IL15: variants seen among roughly 807,000 people sequenced by gnomAD.
The protein encoded by IL15 is interleukin 15.
IL15 carries 11 observed loss-of-function variants against 19.6 expected under a neutral mutation model. The observed-to-expected ratio is 0.56, with a 90% CI of 0.35 to 0.93. The LOEUF (loss-of-function observed/expected upper bound fraction) is 0.93, where lower values mean the gene tolerates loss of function less well. Among genes scored for constraint, IL15 ranks in the 40% least tolerant of loss-of-function variants. IL15 has a pLI of 0.01. For synonymous variants in IL15, 58 were observed against 59.6 expected (o/e 0.97, Z 0.12); for missense variants, 197 against 186.5 (o/e 1.06, Z -0.33).
intron 6 of IL15, 74 bp downstream of exon 6, chr4:141,728,058 TA>T: frequency 1.4e-6 from 1 of 712,744 alleles, no homozygotes; most frequent in Non-Finnish European, 2.4e-6. Flanking sequence ...TTGTAACAAC[TA>T]AAATATGGTA....
At chr4:141,648,444 T>A (rs1727300629) in intron 1 of IL15, among the ~76,000 whole-genome samples, 5 of 152,064 alleles carry the variant, frequency 3.3e-5, no homozygotes, top group Admixed American at 3.3e-4. Flanking sequence ...AATCCTTTCA[T>A]TTTCTTTATT....
chr4:141,674,304 A>G (rs1728269456), intron 2 of IL15, among the ~76,000 whole-genome samples: 1 of 152,214 alleles, frequency 6.6e-6, no homozygotes, highest in South Asian at 2.1e-4. Flanking sequence ...TTTGTGTAGT[A>G]TCTCACATGA....
At position 141,721,660 on chromosome 4, in the gene IL15, G is replaced by T. The variant is rs1482270679; in HGVS notation, c.111-264G>T. The T allele has an allele frequency of 5.7e-6, 3 of 525,074 alleles. No homozygotes were observed. The African/African-American group carries it at 5.8e-5, about 10-fold the overall frequency. 32.5% of individuals were successfully genotyped at this position (525,074 alleles called of 1,614,324 possible). A position where few individuals can be genotyped will look rare whatever the true frequency, so the allele number is the denominator to read the frequency against. ...CTTCTATTTCATTGTGATAAATTGA[G>T]CCAGTTTATTTATAAAGTATGCCTA... is the stretch of plus-strand genomic sequence containing the variant. On this transcript the variant is annotated intron_variant, in intron 4 of 7. Coordinates refer to ENST00000320650, the MANE Select transcript of IL15 (RefSeq NM_000585.5).
At chr4:141,649,728 C>T (rs538064610) in intron 1 of IL15, among the ~76,000 whole-genome samples, 102 of 152,138 alleles carry the variant, frequency 6.7e-4, no homozygotes, top group Middle Eastern at 3.4e-3. Context: ...CAACCTTCCC[C>T]AGTAGGAGCA....
chr4:141,716,772 G>A (rs1447619936), intron 2 of IL15: 1 of 152,348 alleles, frequency 6.6e-6, no homozygotes, highest in Non-Finnish European at 1.5e-5. Flanking sequence ...AAAGCTATGG[G>A]AGCTGAGCTG....
intron 4 of IL15, chr4:141,721,411 A>G (rs1730075673): frequency 1.6e-6 from 1 of 626,092 alleles, no homozygotes; most frequent in East Asian, 3.1e-5. Flanking sequence ...GTTTATGGAG[A>G]AAGCTGCTGC....
rs17007469 is a variant in IL15 at position 141,644,806 on chromosome 4, A to G, written c.-222+8058A>G. 4.4e-3 allele frequency among the ~76,000 whole-genome samples: 666 copies of G among 152,252 alleles called. 1 individual carries two copies. The highest frequency in any genetic ancestry group is 6.7e-3 in the Non-Finnish European group (457 of 67,998). On this transcript the variant is annotated intron_variant, in intron 1 of 7. Coordinates refer to ENST00000320650, the MANE Select transcript of IL15 (RefSeq NM_000585.5). ...AAAAAATACCATTTCAAAACAAGAC[A>G]ATAGAAGGCATATAACAGTTGCTAG...
At chr4:141,639,303 C>A (rs1164552320) in intron 1 of IL15, among the ~76,000 whole-genome samples, 1 of 152,008 alleles carries the variant, frequency 6.6e-6, no homozygotes, top group Non-Finnish European at 1.5e-5. Context: ...TTTCAGGCAG[C>A]GTTGTAATGG....
chr4:141,680,793 A>G (rs559645335), intron 2 of IL15, among the ~76,000 whole-genome samples: 4 of 152,286 alleles, frequency 2.6e-5, no homozygotes, highest in African/African-American at 9.6e-5. Flanking sequence ...GTGTTTTCCT[A>G]GGATATTTGC....
At chr4:141,712,753 T>G (rs1177438304) in intron 2 of IL15, among the ~76,000 whole-genome samples, 1 of 151,284 alleles carries the variant, frequency 6.6e-6, no homozygotes, top group African/African-American at 2.4e-5. Flanking sequence ...GTCCAAATCT[T>G]ACTGCTACCT....
At position 141,693,186 on chromosome 4, in the gene IL15, G is replaced by A. The variant is rs538716700; in HGVS notation, c.-99-26180G>A. 3.3e-5 allele frequency among the ~76,000 whole-genome samples: 5 copies of A among 152,142 alleles called. No homozygotes were observed. The East Asian group carries it at 9.7e-4, about 29-fold the overall frequency. On this transcript the variant is annotated intron_variant, in intron 2 of 7. Transcript: ENST00000320650. ...GCACCCTCTTCGCAAGGTGGCAATAGAGACAATGCAGGAGAAACTGCCACT... is the reference window on the plus strand; with the variant it reads ...GCACCCTCTTCGCAAGGTGGCAATAAAGACAATGCAGGAGAAACTGCCACT...
chr4:141,659,252 G>A (rs1337712360), intron 2 of IL15, among the ~76,000 whole-genome samples: 1 of 151,582 alleles, frequency 6.6e-6, no homozygotes, highest in Admixed American at 6.6e-5. Context: ...GCCCAGGCTG[G>A]AATGCAATGG....
intron 2 of IL15, among the ~76,000 whole-genome samples, chr4:141,682,859 C>T (rs146660071): frequency 0.031 from 4,616 of 150,902 alleles, 110 homozygotes; most frequent in Middle Eastern, 0.056. Flanking sequence ...TTGGAAGGCC[C>T]GGGAATGGCA....
intron 2 of IL15, among the ~76,000 whole-genome samples, chr4:141,687,827 C>G (rs1307626673): frequency 6.6e-6 from 1 of 152,052 alleles, no homozygotes; most frequent in Admixed American, 6.5e-5. Context: ...TGTGATAGAG[C>G]AAGTTTGTTT....
At chr4:141,705,142 T>G (rs1348576625) in intron 2 of IL15, among the ~76,000 whole-genome samples, 1 of 151,990 alleles carries the variant, frequency 6.6e-6, no homozygotes, top group Non-Finnish European at 1.5e-5. Flanking sequence ...TTGTTCTTAT[T>G]ATTTTTAGTT....
intron 2 of IL15, chr4:141,717,604 T>C (rs918028967): frequency 6.6e-6 from 1 of 152,246 alleles, no homozygotes; most frequent in Admixed American, 6.6e-5. Flanking sequence ...AAGTTTGTGG[T>C]GTTCTCTTAT....
intron 5 of IL15, among the ~76,000 whole-genome samples, chr4:141,722,832 A>T (rs1434391462): frequency 6.6e-6 from 1 of 152,206 alleles, no homozygotes; most frequent in Non-Finnish European, 1.5e-5. Flanking sequence ...AATAGAAGAT[A>T]TGAAAGGAAC....
chr4:141,714,164 C>A (rs1729796931), intron 2 of IL15, among the ~76,000 whole-genome samples: 1 of 152,012 alleles, frequency 6.6e-6, no homozygotes, highest in African/African-American at 2.4e-5. Flanking sequence ...TATTTTAATT[C>A]ACTGAGAAAA....
intron 2 of IL15, among the ~76,000 whole-genome samples, chr4:141,677,800 A>G (rs926537046): frequency 6.6e-6 from 1 of 152,190 alleles, no homozygotes; most frequent in Non-Finnish European, 1.5e-5. Context: ...TCTATGTAAA[A>G]TCTCTCTATG....
Sources: allele counts gnomAD v4.1 joint callset (sites outside exome capture counted in the v4.1 genomes callset), GRCh38; gene constraint gnomAD v4.1.1; transcripts MANE v1.5; gene names NCBI Gene and HGNC (gene_info 2026-07-23, HGNC 2026-07-21).